STK24: variants seen among roughly 807,000 people sequenced by gnomAD.
STK24 encodes the protein serine/threonine kinase 24.
In STK24, 21 loss-of-function variants were observed where a neutral mutation model predicts 55.6. The observed-to-expected ratio is 0.38, with a 90% CI of 0.27 to 0.54. The LOEUF (loss-of-function observed/expected upper bound fraction) is 0.54. Ranked by LOEUF, STK24 falls within the 20% of genes least tolerant of loss-of-function variation. STK24 has a pLI of 0.79. For missense variants in STK24, 383 were observed against 538.4 expected (o/e 0.71, Z 2.86); for synonymous variants, 200 against 215.2 (o/e 0.93, Z 0.62).
intron 6 of STK24, among the ~76,000 whole-genome samples, chr13:98,465,690 G>A (rs1893902451): frequency 6.6e-6 from 1 of 152,210 alleles, no homozygotes; most frequent in Admixed American, 6.5e-5. Flanking sequence ...TTTTACATAA[G>A]AGTTAAGAAA....
chr13:98,532,333 A>T (rs570227882), intron 1 of STK24, among the ~76,000 whole-genome samples: 6 of 151,988 alleles, frequency 3.9e-5, no homozygotes, highest in African/African-American at 1.4e-4. Context: ...GGAGAGGGCA[A>T]CCCCTCCCCA....
chr13:98,546,285 T>C (rs1897026989), intron 1 of STK24, among the ~76,000 whole-genome samples: 1 of 152,074 alleles, frequency 6.6e-6, no homozygotes, highest in African/African-American at 2.4e-5. Flanking sequence ...CCAGATGATC[T>C]GGTGAGCAGT....
Position 98,452,053 on chromosome 13 carries a change from A to G in STK24, c.*1120T>C, listed in dbSNP as rs114541728. 1 of 152,270 alleles carries G rather than the reference A, an allele frequency of 6.6e-6. No homozygotes were observed. Among genetic ancestry groups the G allele is most frequent in the African/African-American group, 2.4e-5 (1 of 41,462 alleles). 9.4% of individuals were successfully genotyped at this position (152,270 alleles called of 1,614,324 possible). Reference sequence around the variant, plus strand: ...TGGGGACTTCTCCCTGGAGTCTTCCAAAGTGTCTCATCACACACACACAGC... The same window carrying G: ...TGGGGACTTCTCCCTGGAGTCTTCCGAAGTGTCTCATCACACACACACAGC... On this transcript the variant is annotated 3_prime_UTR_variant, in exon 11 of 11. Coordinates refer to ENST00000539966, the MANE Select transcript of STK24 (RefSeq NM_001032296.4).
At position 98,446,264 on chromosome 13, in the gene STK24, A is replaced by G; in HGVS notation, c.*6909T>C. On this transcript the variant is annotated 3_prime_UTR_variant, in exon 11 of 11. Transcript: ENST00000539966. ...ACCTTGGGGGTGGCAGCATGAGGTG[A>G]GGGGGCCGCCCTCCTCTGGAATGAC... is the stretch of plus-strand genomic sequence containing the variant. 1 of 1,110,760 alleles carries G rather than the reference A, an allele frequency of 9.0e-7. No homozygotes were observed. Among genetic ancestry groups the G allele is most frequent in the Non-Finnish European group, 1.4e-6 (1 of 732,690 alleles). The allele number at this position is 1,110,760 out of a possible 1,614,324, so 68.8% of individuals were successfully genotyped here.
chr13:98,514,367 AAACAATAG>A (rs1895985633), intron 2 of STK24, among the ~76,000 whole-genome samples: 1 of 152,250 alleles, frequency 6.6e-6, no homozygotes, highest in African/African-American at 2.4e-5. Flanking sequence ...ACCACAGAAA[AAACAATAG>A]AAGTCCCAAG....
chr13:98,461,181 A>G lies in STK24; in HGVS notation c.1053+593T>C, dbSNP rs562710062. 3.3e-5 allele frequency among the ~76,000 whole-genome samples: 5 copies of G among 152,346 alleles called. No individual in the cohort carries two copies. In the East Asian group the frequency reaches 7.7e-4, roughly 24 times the overall value. ...CCGAGTTTCTACTTTTGCAACCTCT[A>G]TTTGGACATTTAACACCTGTTCACT... On this transcript the variant is annotated intron_variant, in intron 8 of 10. Coordinates refer to ENST00000539966, the MANE Select transcript of STK24 (RefSeq NM_001032296.4).
intron 2 of STK24, among the ~76,000 whole-genome samples, chr13:98,499,933 G>A (rs1475372319): frequency 4.6e-5 from 7 of 152,226 alleles, no homozygotes; most frequent in Non-Finnish European, 1.0e-4. Context: ...GTGTTAATCA[G>A]AACCCTTTAA....
rs148672189 is a variant in STK24, at chr13:98,546,988, C to T, written c.43-27515G>A. ...GTGCAATGGCACCATCTCGGCTCAC[C>T]GCAACCTCCGCTTCCCAGGTTCAAG... is the stretch of plus-strand genomic sequence containing the variant. On this transcript the variant is annotated intron_variant, in intron 1 of 10. Transcript: ENST00000539966. Among the ~76,000 whole-genome samples the T allele has an allele frequency of 1.2e-3, 180 of 152,136 alleles. 1 individual carries two copies. Among genetic ancestry groups the T allele is most frequent in the African/African-American group, 2.4e-3 (100 of 41,522 alleles).
At chr13:98,502,111 G>GT (rs1252014905) in intron 2 of STK24, among the ~76,000 whole-genome samples, 1 of 152,126 alleles carries the variant, frequency 6.6e-6, no homozygotes, top group Non-Finnish European at 1.5e-5. Flanking sequence ...GTCCTGAATG[G>GT]TTCCCTGTCC....
At position 98,463,585 on chromosome 13, in the gene STK24, A is replaced by T. The variant is rs1182945454; in HGVS notation, c.929+106T>A. The T allele has an allele frequency of 8.4e-3, 22 of 2,608 alleles. No homozygotes were observed. In the Non-Finnish European group the frequency reaches 0.14, roughly 16 times the overall value. The allele number at this position is 2,608 out of a possible 1,614,324, so 0.2% of individuals were successfully genotyped here. Reference sequence around the variant, plus strand: ...CAATTGCCACCAACCTGGATTGTCTAAAAAAAAAAAAAAACTCAACAGAAA... The same window carrying T: ...CAATTGCCACCAACCTGGATTGTCTTAAAAAAAAAAAAAACTCAACAGAAA... On this transcript the variant is annotated intron_variant, in intron 7 of 10. Coordinates refer to ENST00000539966, the MANE Select transcript of STK24 (RefSeq NM_001032296.4).
Position 98,447,507 on chromosome 13 carries a change from G to A in STK24, c.*5666C>T, listed in dbSNP as rs957686452. On this transcript the variant is annotated 3_prime_UTR_variant, in exon 11 of 11. Coordinates refer to ENST00000539966, the MANE Select transcript of STK24 (RefSeq NM_001032296.4). ...CCAGATCCTGAAAGGCCTGGGACAAGGCCAGGTAATTTGGGGAGTCCGTCC... is the reference window on the plus strand; with the variant it reads ...CCAGATCCTGAAAGGCCTGGGACAAAGCCAGGTAATTTGGGGAGTCCGTCC... 1 of 152,376 alleles carries A rather than the reference G, an allele frequency of 6.6e-6. No homozygotes were observed. The highest frequency in any genetic ancestry group is 2.4e-5 in the African/African-American group (1 of 41,444). The allele number at this position is 152,376 out of a possible 1,614,324, so 9.4% of individuals were successfully genotyped here.
intron 6 of STK24, 67 bp downstream of exon 6, chr13:98,466,309 A>T: frequency 2.6e-6 from 4 of 1,515,622 alleles, no homozygotes; most frequent in Non-Finnish European, 3.6e-6. Flanking sequence ...AGCAATCCCA[A>T]CAGGATGTAT....
At chr13:98,513,293 C>T (rs1043025442) in intron 2 of STK24, among the ~76,000 whole-genome samples, 1 of 152,222 alleles carries the variant, frequency 6.6e-6, no homozygotes, top group Non-Finnish European at 1.5e-5. Context: ...AAATGTCAGC[C>T]CTAGAAACAC....
At chr13:98,560,645 G>A (rs1245396818) in intron 1 of STK24, among the ~76,000 whole-genome samples, 1 of 152,152 alleles carries the variant, frequency 6.6e-6, no homozygotes, top group African/African-American at 2.4e-5. Flanking sequence ...TTGGAAAGCC[G>A]ACGTGGGTGG....
intron 1 of STK24, among the ~76,000 whole-genome samples, chr13:98,526,784 G>A (rs1275447268): frequency 6.6e-6 from 1 of 152,184 alleles, no homozygotes; most frequent in Non-Finnish European, 1.5e-5. Flanking sequence ...CTTGGGAAAC[G>A]TGATTGGAAA....
chr13:98,540,780 A>AAG lies in STK24; in HGVS notation c.43-21308_43-21307insCT, dbSNP rs1444304212. Among the ~76,000 whole-genome samples the AAG allele has an allele frequency of 1.1e-3, 166 of 151,880 alleles. 3 individuals carry two copies. The South Asian group carries it at 0.012, about 11-fold the overall frequency. On this transcript the variant is annotated intron_variant, in intron 1 of 10. Transcript: ENST00000539966. ...ATTAAAAGCAAAAAAAAAAAAAAAA[A>AAG]AAAGCCATTGCCCTTATACAAAGCT...
chr13:98,478,932 A>G (rs758954879), intron 3 of STK24, among the ~76,000 whole-genome samples: 3 of 152,200 alleles, frequency 2.0e-5, no homozygotes, highest in Non-Finnish European at 4.4e-5. Context: ...GAACCTTCTA[A>G]CAAACGGTGT....
At chr13:98,569,130 A>C (rs1458885505) in intron 1 of STK24, among the ~76,000 whole-genome samples, 1 of 152,210 alleles carries the variant, frequency 6.6e-6, no homozygotes, top group African/African-American at 2.4e-5. Flanking sequence ...CATTAGGTCC[A>C]GGAAGAACAG....
intron 2 of STK24, among the ~76,000 whole-genome samples, chr13:98,496,491 C>T (rs1264050089): frequency 6.6e-6 from 1 of 152,222 alleles, no homozygotes; most frequent in South Asian, 2.1e-4. Flanking sequence ...AACCAGAAAC[C>T]AATGACTAGG....
Sources: gnomAD v4.1 joint callset for allele counts (sites outside exome capture counted in the v4.1 genomes callset) on GRCh38, gnomAD v4.1.1 for gene constraint, MANE v1.5 for transcripts, NCBI Gene and HGNC (gene_info 2026-07-23, HGNC 2026-07-21) for gene names.